The following DNAH7 variants were observed in gnomAD, a reference collection of about 807,000 sequenced individuals.
The protein encoded by DNAH7 is dynein axonemal heavy chain 7.
Under a neutral mutation model 444.6 loss-of-function variants are expected in DNAH7, and 397 were observed. That is an observed-to-expected ratio of 0.89 (90% CI 0.82 to 0.97). The LOEUF is 0.97. Ranked by LOEUF, DNAH7 falls within the 50% of genes least tolerant of loss-of-function variation. The pLI is 0.00. For missense variants in DNAH7, 4,902 were observed against 4,800.8 expected, an observed-to-expected ratio of 1.02 and a Z score of -0.62; for synonymous variants, 1,636 against 1,624.4, an observed-to-expected ratio of 1.01 and a Z score of -0.17.
intron 15 of DNAH7, among the ~76,000 whole-genome samples, chr2:195,975,741 C>T (rs1692146930): frequency 6.6e-6 from 1 of 152,104 alleles, no homozygotes; most frequent in East Asian, 1.9e-4. Context: ...CAGGATAGGG[C>T]AATGGGTAGA....
chr2:195,827,518 G>A (rs980657531), intron 48 of DNAH7, among the ~76,000 whole-genome samples: 6 of 152,110 alleles, frequency 3.9e-5, no homozygotes, highest in African/African-American at 1.4e-4. Context: ...CTGAGCTCAA[G>A]CAATCCACCC....
At chr2:195,949,059 T>C (rs1690030583) in intron 19 of DNAH7, among the ~76,000 whole-genome samples, 2 of 152,204 alleles carry the variant, frequency 1.3e-5, no homozygotes, top group Admixed American at 6.5e-5. Context: ...GTAGGAATTG[T>C]GAATGGGAGT....
intron 15 of DNAH7, among the ~76,000 whole-genome samples, chr2:195,983,942 C>G (rs1692737504): frequency 6.6e-6 from 1 of 152,146 alleles, no homozygotes. Flanking sequence ...GTTGCGTGTT[C>G]TCAAAAATAA....
intron 5 of DNAH7, among the ~76,000 whole-genome samples, chr2:196,040,494 G>A (rs1696671055): frequency 6.6e-6 from 1 of 152,162 alleles, no homozygotes; most frequent in South Asian, 2.1e-4. Context: ...CTTAATAGAT[G>A]TGGAAAAAGC....
intron 56 of DNAH7, 143 bp downstream of exon 56, chr2:195,796,433 T>C (rs1696143735): frequency 1.0e-6 from 1 of 983,376 alleles, no homozygotes; most frequent in Admixed American, 2.8e-5. Context: ...GTTTTCAATG[T>C]GAGCCTCTCT....
At chr2:195,873,523 T>C (rs1700840774) in intron 39 of DNAH7, 45 bp downstream of exon 39, 2 of 1,139,356 alleles carry the variant, frequency 1.8e-6, no homozygotes, top group South Asian at 4.8e-5. Context: ...TTCTAAAATA[T>C]TTTATACCTC....
At position 195,974,795 on chromosome 2, in the gene DNAH7, C is replaced by G. The variant is rs1458240188; in HGVS notation, c.1834-2329G>C. 8.8e-5 allele frequency among the ~76,000 whole-genome samples: 13 copies of G among 147,552 alleles called. No individual in the cohort carries two copies. The South Asian group carries it at 1.5e-3, about 18-fold the overall frequency. ...ACACACACACACACACACACACACACAGTCACATATGAAGGACCTCAATCC... is the reference window on the plus strand; with the variant it reads ...ACACACACACACACACACACACACAGAGTCACATATGAAGGACCTCAATCC... On this transcript the variant is annotated intron_variant, in intron 15 of 64. Coordinates refer to ENST00000312428, the MANE Select transcript of DNAH7 (RefSeq NM_018897.3).
chr2:195,799,443 G>A lies in DNAH7; in HGVS notation c.10206C>T (p.Ile3402=), dbSNP rs1448658490. ...KVIPMLQEFI[I]NRLGRAFIEP... ...CAATGAATGCACGTCCCAATCTGTT[G>A]ATTATAAATTCCTGCAACATTGGAA... The change falls in exon 55 of 65, where the codon ATC becomes ATT. Residue 3402 remains isoleucine (I), a synonymous_variant. Coordinates refer to ENST00000312428, the MANE Select transcript of DNAH7 (RefSeq NM_018897.3). 3 of 1,599,442 alleles carry A rather than the reference G, an allele frequency of 1.9e-6. No individual in the cohort carries two copies. Among genetic ancestry groups the A allele is most frequent in the African/African-American group, 2.7e-5 (2 of 74,148 alleles).
Position 195,865,033 on chromosome 2 carries a change from T to C in DNAH7, c.6634-12A>G. 3 of 1,546,768 alleles carry C rather than the reference T, an allele frequency of 1.9e-6. No homozygotes were observed. In the East Asian group the frequency reaches 6.8e-5, roughly 35 times the overall value. ...TACACTCGAAGGACCTGTATAATAA[T>C]TAAAAAGCAGCTTTAGAAACTTTCT... On this transcript the variant is annotated splice_polypyrimidine_tract_variant and intron_variant, in intron 40 of 64. Transcript: ENST00000312428.
At chr2:195,814,895 C>T (rs1265664209) in intron 51 of DNAH7, among the ~76,000 whole-genome samples, 1 of 151,936 alleles carries the variant, frequency 6.6e-6, no homozygotes, top group Non-Finnish European at 1.5e-5. Context: ...CCCACACCAC[C>T]GTGCCCAGCT....
At chr2:195,972,576 C>T in intron 15 of DNAH7, 110 bp from the exon 16 acceptor site, 1 of 778,126 alleles carries the variant, frequency 1.3e-6, no homozygotes, top group Non-Finnish European at 2.1e-6. Context: ...GAAGTCAACA[C>T]TTTTGGTTCA....
intron 15 of DNAH7, among the ~76,000 whole-genome samples, chr2:195,983,417 T>C (rs1311250295): frequency 6.6e-6 from 1 of 151,992 alleles, no homozygotes; most frequent in East Asian, 1.9e-4. Flanking sequence ...TCAGGAAGCT[T>C]TTACTCATGG....
intron 19 of DNAH7, among the ~76,000 whole-genome samples, chr2:195,944,561 C>T (rs148214680): frequency 1.2e-3 from 183 of 152,262 alleles, no homozygotes; most frequent in Non-Finnish European, 2.2e-3. Flanking sequence ...GGTCAGGGTA[C>T]CCAGAGTCAA....
At chr2:195,852,891 TACACACAC>T (rs4014237) in intron 46 of DNAH7, among the ~76,000 whole-genome samples, 2,195 of 139,020 alleles carry the variant, frequency 0.016, 20 homozygotes, top group Non-Finnish European at 0.024. Context: ...GCTGATGAAG[TACACACAC>T]ACACACACAC....
At chr2:195,932,771 A>C (rs1336776419) in intron 21 of DNAH7, among the ~76,000 whole-genome samples, 1 of 152,096 alleles carries the variant, frequency 6.6e-6, no homozygotes, top group Admixed American at 6.6e-5. Context: ...GATGAAGCCC[A>C]CTTGATTGTG....
intron 12 of DNAH7, chr2:195,994,804 G>T: frequency 4.4e-6 from 2 of 457,826 alleles, no homozygotes; most frequent in South Asian, 1.9e-5. Flanking sequence ...GAGGTCCAGG[G>T]TATAGCTTTG....
chr2:195,840,711 A>G (rs1437471437), intron 47 of DNAH7, among the ~76,000 whole-genome samples: 1 of 151,864 alleles, frequency 6.6e-6, no homozygotes, highest in Non-Finnish European at 1.5e-5. Flanking sequence ...GAATAGTTGA[A>G]CACAATCTTT....
At chr2:196,028,388 GGTTA>G (rs1333932110) in intron 5 of DNAH7, among the ~76,000 whole-genome samples, 1 of 152,060 alleles carries the variant, frequency 6.6e-6, no homozygotes, top group Non-Finnish European at 1.5e-5. Context: ...AAATATGTAT[GGTTA>G]TTTATAGATA....
chr2:195,940,143 C>T (rs1689324709), intron 19 of DNAH7, among the ~76,000 whole-genome samples: 1 of 152,152 alleles, frequency 6.6e-6, no homozygotes, highest in Admixed American at 6.6e-5. Flanking sequence ...CTACAGTAAC[C>T]AAAACAGCAT....
Sources: gnomAD v4.1 joint callset for allele counts (sites outside exome capture counted in the v4.1 genomes callset) on GRCh38, gnomAD v4.1.1 for gene constraint, MANE v1.5 for transcripts, NCBI Gene and HGNC (gene_info 2026-07-23, HGNC 2026-07-21) for gene names.